SLC44A3: variants seen among roughly 807,000 people sequenced by gnomAD.
SLC44A3 encodes the protein solute carrier family 44 member 3, also known as choline transporter-like protein 3.
A neutral mutation model predicts 75.4 loss-of-function variants in SLC44A3; 74 were observed. That is an observed-to-expected ratio of 0.98 (90% CI 0.81 to 1.19). The LOEUF is 1.19. Ranked by LOEUF, SLC44A3 falls within the 50% of genes most tolerant of loss-of-function variation. The pLI is 0.00. For synonymous variants in SLC44A3, 310 were observed against 296.9 expected (o/e 1.04, Z -0.45); for missense variants, 700 against 778.6 (o/e 0.90, Z 1.20).
intron 5 of SLC44A3, among the ~76,000 whole-genome samples, chr1:94,833,811 C>T (rs1662442923): frequency 6.6e-6 from 1 of 152,112 alleles, no homozygotes; most frequent in Non-Finnish European, 1.5e-5. Context: ...ATTCTCTGCA[C>T]TTGTCATCAC....
At chr1:94,829,517 C>G (rs976339700) in intron 5 of SLC44A3, among the ~76,000 whole-genome samples, 1 of 152,136 alleles carries the variant, frequency 6.6e-6, no homozygotes, top group Admixed American at 6.5e-5. Flanking sequence ...ACATGGTAGG[C>G]ACCTTACAAA....
intron 3 of SLC44A3, among the ~76,000 whole-genome samples, chr1:94,826,871 C>G (rs1661422453): frequency 6.6e-6 from 1 of 152,132 alleles, no homozygotes; most frequent in South Asian, 2.1e-4. Flanking sequence ...TTCCTGGGGT[C>G]TTGGAGCCTG....
In SLC44A3 at chr1:94,892,415, G is replaced by A; in HGVS notation, c.1755G>A (p.Val585=). ...TAGTAGCCCATAGTTTTTTATCTGT[G>A]TTTGAAACTGTGCTGGATGCACTTT... ...AYLVAHSFLS[V]FETVLDALFL... is the part of the protein sequence containing the mutation. The change falls in exon 14 of 15, where the codon GTG becomes GTA. Residue 585 remains valine (V), a synonymous_variant. Transcript: ENST00000271227. 2 of 1,614,142 alleles carry A rather than the reference G, an allele frequency of 1.2e-6. No individual in the cohort carries two copies. The highest frequency in any genetic ancestry group is 1.7e-6 in the Non-Finnish European group (2 of 1,180,034).
chr1:94,854,921 T>C (rs1238533524), intron 9 of SLC44A3, among the ~76,000 whole-genome samples: 1 of 151,542 alleles, frequency 6.6e-6, no homozygotes. Context: ...TGGTCCACAA[T>C]GTCGGTGAGA....
At chr1:94,852,080 T>C (rs974652844) in intron 9 of SLC44A3, among the ~76,000 whole-genome samples, 1 of 152,220 alleles carries the variant, frequency 6.6e-6, no homozygotes, top group Non-Finnish European at 1.5e-5. Context: ...TTGAGGAAGA[T>C]ATATCCATTC....
At chr1:94,890,477 C>T (rs945010223) in intron 12 of SLC44A3, among the ~76,000 whole-genome samples, 1 of 152,170 alleles carries the variant, frequency 6.6e-6, no homozygotes, top group African/African-American at 2.4e-5. Context: ...CTCTTAGGCA[C>T]ATAGTGCATT....
intron 10 of SLC44A3, among the ~76,000 whole-genome samples, chr1:94,858,217 A>C (rs1253960903): frequency 6.6e-6 from 1 of 152,238 alleles, no homozygotes; most frequent in East Asian, 1.9e-4. Flanking sequence ...AATATACTTC[A>C]GTAAATTCTG....
At chr1:94,872,170 C>T (rs1465957743) in intron 12 of SLC44A3, among the ~76,000 whole-genome samples, 8 of 152,116 alleles carry the variant, frequency 5.3e-5, no homozygotes, top group Non-Finnish European at 7.4e-5. Context: ...GGCACGATCT[C>T]GGCTCACTAC....
intron 5 of SLC44A3, among the ~76,000 whole-genome samples, chr1:94,836,113 G>A (rs1662748115): frequency 6.6e-6 from 1 of 152,214 alleles, no homozygotes; most frequent in African/African-American, 2.4e-5. Flanking sequence ...TCAGGGCAAT[G>A]AAATCTTTTA....
At chr1:94,889,421 C>A (rs1669953180) in intron 12 of SLC44A3, 1 of 151,918 alleles carries the variant, frequency 6.6e-6, no homozygotes, top group African/African-American at 2.4e-5. Flanking sequence ...ATGCAAGTAG[C>A]ATTTTTAAAG....
rs1670614758 is a variant in SLC44A3 at position 94,894,951 on chromosome 1, A to C, written c.*29A>C. 1.3e-6 allele frequency: 2 copies of C among 1,552,076 alleles called. No individual in the cohort carries two copies. The highest frequency in any genetic ancestry group is 1.8e-5 in the Admixed American group (1 of 56,810). ...CCCATTTAGGTATCTGTACCTGGAAAACATTTCCTTCTAAGAGCCATTTAC... is the reference window on the plus strand; with the variant it reads ...CCCATTTAGGTATCTGTACCTGGAACACATTTCCTTCTAAGAGCCATTTAC... On this transcript the variant is annotated 3_prime_UTR_variant, in exon 15 of 15. Transcript: ENST00000271227.
Position 94,894,937 on chromosome 1 carries a change from A to C in SLC44A3, c.*15A>C, listed in dbSNP as rs762769158. The C allele has an allele frequency of 1.3e-6, 2 of 1,584,874 alleles. No homozygotes were observed. The highest frequency in any genetic ancestry group is 2.3e-5 in the South Asian group (2 of 88,156). ...TTGTGAGATAGATACCCATTTAGGT[A>C]TCTGTACCTGGAAAACATTTCCTTC... On this transcript the variant is annotated 3_prime_UTR_variant, in exon 15 of 15. Coordinates refer to ENST00000271227, the MANE Select transcript of SLC44A3 (RefSeq NM_001114106.3).
chr1:94,845,528 C>A, intron 9 of SLC44A3, 64 bp downstream of exon 9: 19 of 1,479,924 alleles, frequency 1.3e-5, no homozygotes, highest in Non-Finnish European at 1.7e-5. Flanking sequence ...ATTTTGGAAC[C>A]ACTGGCCTGT....
At chr1:94,830,852 C>A (rs1442909296) in intron 5 of SLC44A3, among the ~76,000 whole-genome samples, 2 of 152,172 alleles carry the variant, frequency 1.3e-5, no homozygotes, top group Non-Finnish European at 2.9e-5. Flanking sequence ...TATCTTGATA[C>A]TTATGATGAT....
rs540740546 is a variant in SLC44A3, at chr1:94,840,036, G to T, written c.759G>T (p.Leu253Phe). ...TTTCATTGGTTATTTTGGGATTGTT[G>T]TGTAAGTATTTCTCTACTTGACTGA... ...IFISLVILGL[L>F]FVCGVLWWLY... is the part of the protein sequence containing the mutation. Residue 253 changes from leucine to phenylalanine, a missense_variant and splice_region_variant, in exon 7 of 15, where the codon TTG (leucine) becomes TTT (phenylalanine). Physicochemically the swap from Leu to Phe is conservative, Grantham distance 22. Transcript: ENST00000271227. The T allele has an allele frequency of 6.5e-5, 105 of 1,609,262 alleles. 1 individual carries two copies. The highest frequency in any genetic ancestry group is 8.4e-5 in the Non-Finnish European group (99 of 1,175,742).
Position 94,827,331 on chromosome 1 carries a change from G to A in SLC44A3, c.279-176G>A. On this transcript the variant is annotated intron_variant, in intron 3 of 14. Transcript: ENST00000271227. Reference sequence around the variant, plus strand: ...TTTTGGATAGTTTCCAAGCTGCACAGCTTCATGGATGACCACCAGTAGGCA... The same window carrying A: ...TTTTGGATAGTTTCCAAGCTGCACAACTTCATGGATGACCACCAGTAGGCA... The A allele has an allele frequency of 1.5e-5, 11 of 731,266 alleles. No homozygotes were observed. The South Asian group carries it at 2.0e-4, about 13-fold the overall frequency. 45.3% of individuals were successfully genotyped at this position (731,266 alleles called of 1,614,324 possible).
intron 10 of SLC44A3, among the ~76,000 whole-genome samples, chr1:94,858,574 A>C (rs1666188449): frequency 6.6e-6 from 1 of 152,212 alleles, no homozygotes; most frequent in Admixed American, 6.5e-5. Context: ...CTCTCAGACC[A>C]AATGAGAGAG....
chr1:94,884,264 G>A (rs563959038), intron 12 of SLC44A3, among the ~76,000 whole-genome samples: 3 of 137,484 alleles, frequency 2.2e-5, no homozygotes, highest in East Asian at 2.1e-4. Context: ...CCTGGTGACC[G>A]GTGCATTCCT....
chr1:94,833,666 G>A (rs1471081701), intron 5 of SLC44A3, among the ~76,000 whole-genome samples: 5 of 152,272 alleles, frequency 3.3e-5, no homozygotes, highest in Non-Finnish European at 5.9e-5. Context: ...CAGACCTTAA[G>A]CCAGGGGATT....
Sources: allele counts gnomAD v4.1 joint callset (sites outside exome capture counted in the v4.1 genomes callset), GRCh38; gene constraint gnomAD v4.1.1; transcripts MANE v1.5; gene names NCBI Gene and HGNC (gene_info 2026-07-23, HGNC 2026-07-21).